SIL1: variants seen among roughly 807,000 people sequenced by gnomAD.
The protein encoded by SIL1 is nucleotide exchange factor SIL1.
In SIL1, 40 loss-of-function variants were observed where a neutral mutation model predicts 49.1. That is an observed-to-expected ratio of 0.81 (90% CI 0.63 to 1.06). The LOEUF is 1.06. SIL1 is among the 50% of genes least tolerant of loss of function. SIL1 has a pLI of 0.00. For synonymous variants in SIL1, 253 were observed against 250.8 expected (o/e 1.01, Z -0.08); for missense variants, 500 against 572.6 (o/e 0.87, Z 1.29).
chr5:139,084,739 C>G (rs1303588538), intron 3 of SIL1, among the ~76,000 whole-genome samples: 1 of 147,364 alleles, frequency 6.8e-6, no homozygotes, highest in Non-Finnish European at 1.5e-5. Flanking sequence ...ACATATGTAA[C>G]TAACCTGCAC....
chr5:139,129,050 G>C (rs1425022133), intron 1 of SIL1, among the ~76,000 whole-genome samples: 1 of 151,972 alleles, frequency 6.6e-6, no homozygotes, highest in African/African-American at 2.4e-5. Flanking sequence ...AGGAGGCTGA[G>C]GTGGGAGGAT....
intron 3 of SIL1, among the ~76,000 whole-genome samples, chr5:139,065,536 C>G (rs953159467): frequency 6.6e-6 from 1 of 152,230 alleles, no homozygotes; most frequent in Non-Finnish European, 1.5e-5. Flanking sequence ...TTCTGCTCCT[C>G]AGAGGGCTGT....
At chr5:139,098,332 T>C (rs1012718084) in intron 3 of SIL1, among the ~76,000 whole-genome samples, 1 of 152,096 alleles carries the variant, frequency 6.6e-6, no homozygotes, top group Non-Finnish European at 1.5e-5. Context: ...GCCAAGAACA[T>C]ACACTGGGGA....
chr5:139,153,803 C>A (rs114282357), intron 1 of SIL1, among the ~76,000 whole-genome samples: 1 of 152,208 alleles, frequency 6.6e-6, no homozygotes, highest in African/African-American at 2.4e-5. Flanking sequence ...AGTGTCATAA[C>A]GGTGAGGTAT....
At chr5:138,968,203 C>T (rs370893784) in intron 7 of SIL1, among the ~76,000 whole-genome samples, 29 of 152,092 alleles carry the variant, frequency 1.9e-4, no homozygotes, top group African/African-American at 6.0e-4. Context: ...GGGGATGAGG[C>T]GGTAGAGCAC....
At chr5:139,195,160 G>A (rs536340337) in intron 1 of SIL1, among the ~76,000 whole-genome samples, 2 of 151,990 alleles carry the variant, frequency 1.3e-5, no homozygotes, top group African/African-American at 2.4e-5. Context: ...TTGAACTCCC[G>A]ACCTCAGGTG....
intron 7 of SIL1, among the ~76,000 whole-genome samples, chr5:138,968,085 C>T (rs1466833868): frequency 6.6e-6 from 1 of 152,114 alleles, no homozygotes; most frequent in Non-Finnish European, 1.5e-5. Flanking sequence ...ACTGGGCCCA[C>T]ATCCAAGTCG....
intron 1 of SIL1, among the ~76,000 whole-genome samples, chr5:139,148,982 A>T (rs970071988): frequency 4.6e-5 from 7 of 152,204 alleles, no homozygotes; most frequent in African/African-American, 1.7e-4. Context: ...GCCAGCGGAA[A>T]ACACTGGGTA....
Position 138,947,202 on chromosome 5 carries a change from C to T in SIL1, c.1301G>A (p.Ser434Asn), listed in dbSNP as rs1269238421. The T allele has an allele frequency of 6.2e-7, 1 of 1,613,498 alleles. No homozygotes were observed. The highest frequency in any genetic ancestry group is 8.5e-7 in the Non-Finnish European group (1 of 1,179,940). Residue 434 changes from serine to asparagine, a missense_variant, in exon 10 of 10, where the codon AGC becomes AAC. Transcript: ENST00000394817. The surrounding 1 kb of genome is among the most constrained non-coding windows in gnomAD (Gnocchi z 4.1). ...SLQAEYQVLASLELQDGEDEG... is the reference protein window; with the variant it reads ...SLQAEYQVLANLELQDGEDEG... Reference sequence around the variant, plus strand: ...GTCCTCACCATCCTGCAGCTCCAGGCTGGCCAGCACCTGGTACTCAGCCTG... The same window carrying T: ...GTCCTCACCATCCTGCAGCTCCAGGTTGGCCAGCACCTGGTACTCAGCCTG...
chr5:139,137,423 C>T (rs1199395187), intron 1 of SIL1: 16 of 685,482 alleles, frequency 2.3e-5, no homozygotes, highest in Middle Eastern at 2.3e-4. Flanking sequence ...TGCTGTCTCT[C>T]GAGGGGTCTG....
At chr5:139,109,656 G>A (rs949227931) in intron 3 of SIL1, among the ~76,000 whole-genome samples, 2 of 145,970 alleles carry the variant, frequency 1.4e-5, no homozygotes, top group African/African-American at 5.1e-5. Context: ...GGTATCTTGA[G>A]GACTTAATAT....
chr5:138,949,688 G>A (rs894072313), intron 9 of SIL1, among the ~76,000 whole-genome samples: 1 of 151,480 alleles, frequency 6.6e-6, no homozygotes, highest in Non-Finnish European at 1.5e-5. Flanking sequence ...GCATGGACCT[G>A]TAGTCCCAGC....
At chr5:138,978,804 A>G (rs980970141) in intron 7 of SIL1, among the ~76,000 whole-genome samples, 1 of 152,182 alleles carries the variant, frequency 6.6e-6, no homozygotes, top group African/African-American at 2.4e-5. Context: ...CTTACTGCAC[A>G]TTTGCATTAT....
At chr5:139,168,488 G>A (rs751422425) in intron 1 of SIL1, among the ~76,000 whole-genome samples, 1 of 152,190 alleles carries the variant, frequency 6.6e-6, no homozygotes. Context: ...GATCTGTGCT[G>A]ATTCTGATTG....
At chr5:139,133,788 G>C (rs1049895832) in intron 1 of SIL1, among the ~76,000 whole-genome samples, 1 of 152,192 alleles carries the variant, frequency 6.6e-6, no homozygotes, top group Non-Finnish European at 1.5e-5. Context: ...TTGTTTTCCT[G>C]AATCTCCTGG....
At chr5:139,042,203 C>T (rs555761670) in intron 5 of SIL1, among the ~76,000 whole-genome samples, 14 of 152,172 alleles carry the variant, frequency 9.2e-5, no homozygotes, top group Non-Finnish European at 1.0e-4. Flanking sequence ...ACAAGGATTC[C>T]GGCTTCTTGC....
At chr5:139,166,947 T>C (rs1402921333) in intron 1 of SIL1, among the ~76,000 whole-genome samples, 2 of 152,202 alleles carry the variant, frequency 1.3e-5, no homozygotes, top group Admixed American at 6.5e-5. Context: ...TAGCTGGGAA[T>C]ACAGGCACCC....
At chr5:139,051,786 T>C (rs952266233) in intron 3 of SIL1, among the ~76,000 whole-genome samples, 22 of 152,158 alleles carry the variant, frequency 1.4e-4, no homozygotes, top group African/African-American at 5.3e-4. Flanking sequence ...GAAAAACAAG[T>C]GTTGTGAATC....
intron 7 of SIL1, among the ~76,000 whole-genome samples, chr5:139,010,495 G>T (rs1429225273): frequency 2.0e-5 from 3 of 152,130 alleles, no homozygotes; most frequent in Non-Finnish European, 4.4e-5. Flanking sequence ...GCTTTGTTCC[G>T]TTGCTGGTGA....
Sources: allele counts gnomAD v4.1 joint callset (sites outside exome capture counted in the v4.1 genomes callset), GRCh38; gene constraint gnomAD v4.1.1; non-coding constraint Gnocchi (gnomAD v3.1); transcripts MANE v1.5; gene names NCBI Gene and HGNC (gene_info 2026-07-23, HGNC 2026-07-21).